The following AOX1 variants were observed in gnomAD, a reference collection of about 807,000 sequenced individuals.
The protein encoded by AOX1 is aldehyde oxidase 1, also known as aldehyde oxidase.
Under a neutral mutation model 169.5 loss-of-function variants are expected in AOX1, and 153 were observed. The ratio of observed to expected loss-of-function variants is 0.90; its 90% CI spans 0.79 to 1.03. The LOEUF is 1.03. AOX1 is among the 50% of genes least tolerant of loss of function. The probability of loss-of-function intolerance (pLI) is 0.00; values close to 1 mark genes in which losing one functional copy is unlikely to be tolerated. For synonymous variants in AOX1, 562 were observed against 581.9 expected, an observed-to-expected ratio of 0.97 and a Z score of 0.49; for missense variants, 1,656 against 1,663.9, an observed-to-expected ratio of 1.00 and a Z score of 0.08.
At chr2:200,626,300 G>A (rs533695725) in intron 19 of AOX1, among the ~76,000 whole-genome samples, 1 of 152,266 alleles carries the variant, frequency 6.6e-6, no homozygotes, top group East Asian at 1.9e-4. Flanking sequence ...TTTGAATGGG[G>A]GAAATGGCAG....
chr2:200,611,611 A>G, intron 13 of AOX1, 118 bp downstream of exon 13: 1 of 702,648 alleles, frequency 1.4e-6, no homozygotes, highest in Non-Finnish European at 2.5e-6. Flanking sequence ...TAAAGGCTCA[A>G]CTTCAGGAAG....
chr2:200,648,834 C>T (rs1352723190), intron 25 of AOX1, among the ~76,000 whole-genome samples: 7 of 152,014 alleles, frequency 4.6e-5, no homozygotes, highest in African/African-American at 1.7e-4. Flanking sequence ...TTATGGCTGC[C>T]TCTGCTGAGT....
chr2:200,651,301 G>T, intron 26 of AOX1, 100 bp downstream of exon 26: 1 of 989,276 alleles, frequency 1.0e-6, no homozygotes, highest in Non-Finnish European at 1.5e-6. Flanking sequence ...TAGCCATATG[G>T]TTGCAATGCC....
intron 4 of AOX1, among the ~76,000 whole-genome samples, chr2:200,599,249 A>G (rs1429897982): frequency 6.6e-6 from 1 of 152,204 alleles, no homozygotes; most frequent in Non-Finnish European, 1.5e-5. Context: ...AGTAATTCAC[A>G]ACCACAACTG....
chr2:200,675,819 A>G (rs545152635), downstream of AOX1, among the ~76,000 whole-genome samples: 1 of 151,992 alleles, frequency 6.6e-6, no homozygotes, highest in African/African-American at 2.4e-5. Flanking sequence ...TGTTATTTTG[A>G]CTATTTTACA....
chr2:200,672,178 C>T (rs552018048), downstream of AOX1, among the ~76,000 whole-genome samples: 26 of 152,260 alleles, frequency 1.7e-4, no homozygotes, highest in Non-Finnish European at 2.6e-4. Context: ...GATTCCTTTT[C>T]GGGGTGAGAA....
At position 200,641,179 on chromosome 2, in the gene AOX1, T is replaced by C. The variant is rs1388258048; in HGVS notation, c.2650T>C (p.Leu884=). 1 of 1,607,646 alleles carries C rather than the reference T, an allele frequency of 6.2e-7. No homozygotes were observed. The highest frequency in any genetic ancestry group is 1.3e-5 in the African/African-American group (1 of 74,822). Residue 884 remains leucine (L), a synonymous_variant, in exon 24 of 35, where the codon TTA becomes CTA. Transcript: ENST00000374700. ...TGCAGGCGCCTCCTTGGATGAATCATTATTCGTAAGTGTTTTAAGGAGCAA... is the reference window on the plus strand; with the variant it reads ...TGCAGGCGCCTCCTTGGATGAATCACTATTCGTAAGTGTTTTAAGGAGCAA... ...SNAGASLDES[L]FVIEMGLLKM... is the part of the protein sequence containing the mutation.
chr2:200,672,644 GA>G (rs1358617056), downstream of AOX1, among the ~76,000 whole-genome samples: 1 of 152,174 alleles, frequency 6.6e-6, no homozygotes, highest in African/African-American at 2.4e-5. Flanking sequence ...AGGGCAGGCA[GA>G]AAAATTTTAA....
chr2:200,670,007 C>T (rs1051857810), intron 34 of AOX1, among the ~76,000 whole-genome samples: 1 of 151,992 alleles, frequency 6.6e-6, no homozygotes, highest in Non-Finnish European at 1.5e-5. Context: ...GTTTTATGTT[C>T]CTCTCCTGTT....
chr2:200,593,411 C>G (rs1339530002), intron 2 of AOX1, among the ~76,000 whole-genome samples: 1 of 152,134 alleles, frequency 6.6e-6, no homozygotes, highest in Admixed American at 6.5e-5. Context: ...CTTCTAGTCT[C>G]TGTATAAAAT....
rs778958851 is a variant in AOX1 at position 200,661,604 on chromosome 2, T to C, written c.3401T>C (p.Ile1134Thr). 6.2e-7 allele frequency: 1 copy of C among 1,613,516 alleles called. No homozygotes were observed. The highest frequency in any genetic ancestry group is 1.1e-5 in the South Asian group (1 of 91,064). ...GCACAGACTGCTTTTGATGAAAGCA[T>C]TAACCTTTCAGCTGTTGGATACTTC... is the stretch of plus-strand genomic sequence containing the variant. ...DWAQTAFDES[I>T]NLSAVGYFRG... The change falls in exon 30 of 35, where the codon ATT becomes ACT. Residue 1134 changes from isoleucine to threonine, a missense_variant. By Grantham distance (89) the Ile-to-Thr change is moderately conservative (BLOSUM62 -1). Coordinates refer to ENST00000374700, the MANE Select transcript of AOX1 (RefSeq NM_001159.4).
chr2:200,612,772 C>A lies in AOX1; in HGVS notation c.1427C>A (p.Ser476Tyr). The change falls in exon 14 of 35, where the codon TCC (serine) becomes TAC (tyrosine). Residue 476 changes from serine (S) to tyrosine (Y), a missense_variant. Physicochemically the swap from Ser to Tyr is moderately radical, Grantham distance 144. Coordinates refer to ENST00000374700, the MANE Select transcript of AOX1 (RefSeq NM_001159.4). The stretch of plus-strand genomic sequence containing the variant: ...CCAGCCACCATCTGTGCCAAGAATT[C>A]CTGCCAGAAACTCATTGGAAGGTAA... ...VGPATICAKN[S>Y]CQKLIGRHWN... is the part of the protein sequence containing the mutation. The A allele has an allele frequency of 6.2e-7, 1 of 1,613,742 alleles. No individual in the cohort carries two copies. Among genetic ancestry groups the A allele is most frequent in the Non-Finnish European group, 8.5e-7 (1 of 1,179,856 alleles).
intron 20 of AOX1, among the ~76,000 whole-genome samples, chr2:200,629,429 G>A (rs1056656412): frequency 2.0e-5 from 3 of 152,198 alleles, no homozygotes; most frequent in African/African-American, 7.2e-5. Context: ...TGAAAATGTT[G>A]TCTATTAGTG....
At position 200,650,956 on chromosome 2, in the gene AOX1, TCTC is replaced by T; in HGVS notation, c.2848-15_2848-13del. ...GCTGGGTTTCCCCTCCCAGCTTTAA[TCTC>T]CTTTTCTTTCATAGGTGCGAATCAT... On this transcript the variant is annotated splice_polypyrimidine_tract_variant and intron_variant, in intron 25 of 34. Coordinates refer to ENST00000374700, the MANE Select transcript of AOX1 (RefSeq NM_001159.4). 12 of 1,611,902 alleles carry T rather than the reference TCTC, an allele frequency of 7.4e-6. No homozygotes were observed. The highest frequency in any genetic ancestry group is 1.0e-5 in the Non-Finnish European group (12 of 1,178,176).
downstream of AOX1, among the ~76,000 whole-genome samples, chr2:200,680,512 T>C (rs1301899172): frequency 2.0e-5 from 3 of 151,474 alleles, no homozygotes; most frequent in Non-Finnish European, 4.4e-5. Flanking sequence ...CACACAACAG[T>C]GTGTGTTTGT....
At chr2:200,638,764 T>C (rs1011835228) in intron 23 of AOX1, among the ~76,000 whole-genome samples, 1 of 152,122 alleles carries the variant, frequency 6.6e-6, no homozygotes, top group Non-Finnish European at 1.5e-5. Context: ...TAGAAAAAAA[T>C]TTGTAGTAGA....
intron 2 of AOX1, among the ~76,000 whole-genome samples, chr2:200,594,929 G>A (rs2034249881): frequency 6.6e-6 from 1 of 152,170 alleles, no homozygotes; most frequent in East Asian, 1.9e-4. Flanking sequence ...CAAAGACAGA[G>A]ATAAGGATGA....
At chr2:200,660,961 CCAT>C (rs1293956152) in intron 29 of AOX1, among the ~76,000 whole-genome samples, 6 of 152,176 alleles carry the variant, frequency 3.9e-5, no homozygotes, top group Non-Finnish European at 7.3e-5. Flanking sequence ...TACTCCACCA[CCAT>C]GAGATGCAGC....
At chr2:200,655,771 A>G (rs1266075947) in intron 26 of AOX1, among the ~76,000 whole-genome samples, 2 of 152,204 alleles carry the variant, frequency 1.3e-5, no homozygotes, top group African/African-American at 4.8e-5. Context: ...AGCATGGTCC[A>G]CGGTCCCCAG....
Sources: allele counts gnomAD v4.1 joint callset (sites outside exome capture counted in the v4.1 genomes callset), GRCh38; gene constraint gnomAD v4.1.1; transcripts MANE v1.5; gene names NCBI Gene and HGNC (gene_info 2026-07-23, HGNC 2026-07-21).